The following RIPOR2 variants were observed in gnomAD, a reference collection of about 807,000 sequenced individuals.
The protein encoded by RIPOR2 is rho family-interacting cell polarization regulator 2.
A neutral mutation model predicts 114.5 loss-of-function variants in RIPOR2; 39 were observed. That is an observed-to-expected ratio of 0.34 (90% CI 0.26 to 0.44). RIPOR2 has a LOEUF of 0.44. Among genes scored for constraint, RIPOR2 ranks in the 20% least tolerant of loss-of-function variants. RIPOR2 has a pLI of 1.00. For synonymous variants in RIPOR2, 445 were observed against 484.4 expected (o/e 0.92, Z 1.07); for missense variants, 1,007 against 1,255.1 (o/e 0.80, Z 2.99).
intron 1 of RIPOR2, among the ~76,000 whole-genome samples, chr6:24,902,350 G>A (rs953906940): frequency 2.0e-5 from 3 of 151,926 alleles, no homozygotes; most frequent in Admixed American, 1.3e-4. Context: ...GAGTAGCTGG[G>A]ATTACAGGCA....
At chr6:24,982,349 A>G (rs1033145342) in intron 1 of RIPOR2, among the ~76,000 whole-genome samples, 2 of 152,234 alleles carry the variant, frequency 1.3e-5, no homozygotes, top group Non-Finnish European at 2.9e-5. Context: ...TTCAAACAAA[A>G]TGAATTATTC....
At chr6:24,986,468 A>T (rs926918451) in intron 1 of RIPOR2, among the ~76,000 whole-genome samples, 1 of 152,226 alleles carries the variant, frequency 6.6e-6, no homozygotes, top group Non-Finnish European at 1.5e-5. Flanking sequence ...TCTTGAAACA[A>T]TAATTTAGGA....
At chr6:24,823,762 T>C (rs9366584) in intron 19 of RIPOR2, among the ~76,000 whole-genome samples, 64,168 of 152,068 alleles carry the variant, frequency 0.42, 15,026 homozygotes, top group Non-Finnish European at 0.54. Flanking sequence ...TTCTTTTTTA[T>C]TTTTTTATTT....
In RIPOR2 at chr6:24,873,705, G is replaced by C; in HGVS notation, c.283C>G (p.Pro95Ala). 1 of 1,613,734 alleles carries C rather than the reference G, an allele frequency of 6.2e-7. No homozygotes were observed. Among genetic ancestry groups the C allele is most frequent in the Non-Finnish European group, 8.5e-7 (1 of 1,179,830 alleles). The change falls in exon 3 of 22, where the codon CCC becomes GCC. Residue 95 changes from proline (P) to alanine (A), a missense_variant. By Grantham distance (27) the Pro-to-Ala change is conservative. Coordinates refer to ENST00000643898, the MANE Select transcript of RIPOR2 (RefSeq NM_001286445.3). ...HNLGHKNNNPPKEPQPKRVEE... is the reference protein window; with the variant it reads ...HNLGHKNNNPAKEPQPKRVEE... ...ACCCTTTTAGGCTGAGGCTCTTTGG[G>C]GGGATTGTTGTTTTTGTGGCCTAAA...
chr6:24,831,327 G>T (rs916376344), intron 16 of RIPOR2, among the ~76,000 whole-genome samples: 1 of 152,200 alleles, frequency 6.6e-6, no homozygotes, highest in Non-Finnish European at 1.5e-5. Context: ...AATCATACAG[G>T]ATCAAGGACT....
At chr6:24,975,280 A>T (rs988025946) in intron 1 of RIPOR2, among the ~76,000 whole-genome samples, 3 of 152,362 alleles carry the variant, frequency 2.0e-5, no homozygotes, top group African/African-American at 7.2e-5. Context: ...CAGCATGTAT[A>T]ACAGAGAATG....
intron 1 of RIPOR2, among the ~76,000 whole-genome samples, chr6:24,920,901 G>T (rs1408177381): frequency 6.6e-6 from 1 of 152,102 alleles, no homozygotes. Flanking sequence ...CCAGTATTCA[G>T]CCAGTATCAG....
chr6:24,844,117 G>C (rs1434275373), intron 12 of RIPOR2, among the ~76,000 whole-genome samples: 1 of 152,028 alleles, frequency 6.6e-6, no homozygotes, highest in South Asian at 2.1e-4. Flanking sequence ...ATAATTCAAG[G>C]CCAGCCATAC....
chr6:24,880,261 C>A (rs941414906), intron 1 of RIPOR2, among the ~76,000 whole-genome samples: 3 of 152,044 alleles, frequency 2.0e-5, no homozygotes, highest in African/African-American at 7.3e-5. Flanking sequence ...ATGGTTAACA[C>A]TCAAAATTAT....
chr6:24,879,288 G>A (rs1043722738), intron 1 of RIPOR2, among the ~76,000 whole-genome samples: 10 of 152,312 alleles, frequency 6.6e-5, no homozygotes, highest in South Asian at 2.1e-4. Context: ...GGCGGCTGCC[G>A]TGAGAGGAGA....
chr6:24,835,331 T>C lies in RIPOR2; in HGVS notation c.2208+372A>G, dbSNP rs116328550. ...TCCAGGTGGTGAAAAACTAATTCATTTGACATTCATGTTAATATATATTCA... is the reference window on the plus strand; with the variant it reads ...TCCAGGTGGTGAAAAACTAATTCATCTGACATTCATGTTAATATATATTCA... On this transcript the variant is annotated intron_variant, in intron 15 of 21. Coordinates refer to ENST00000643898, the MANE Select transcript of RIPOR2 (RefSeq NM_001286445.3). 3.7e-3 allele frequency among the ~76,000 whole-genome samples: 567 copies of C among 152,328 alleles called. 2 individuals are homozygous for C. Among genetic ancestry groups the C allele is most frequent in the African/African-American group, 0.012 (506 of 41,572 alleles).
chr6:24,880,276 T>A (rs1766220658), intron 1 of RIPOR2, among the ~76,000 whole-genome samples: 1 of 152,186 alleles, frequency 6.6e-6, no homozygotes, highest in African/African-American at 2.4e-5. Context: ...AATTATGTTA[T>A]AATTTTGACA....
intron 1 of RIPOR2, among the ~76,000 whole-genome samples, chr6:24,899,927 G>A (rs1047739421): frequency 6.6e-6 from 1 of 152,144 alleles, no homozygotes; most frequent in Non-Finnish European, 1.5e-5. Context: ...TGATGATAGG[G>A]CATCTTTGCA....
At chr6:24,840,427 C>T in intron 13 of RIPOR2, 2 of 1,259,524 alleles carry the variant, frequency 1.6e-6, no homozygotes, top group Non-Finnish European at 2.0e-6. Context: ...TAATGCTGGC[C>T]ACATGCAGAA....
chr6:24,894,393 T>C (rs922365035), intron 1 of RIPOR2, among the ~76,000 whole-genome samples: 2 of 152,230 alleles, frequency 1.3e-5, no homozygotes, highest in Non-Finnish European at 2.9e-5. Context: ...AACAAGATTG[T>C]TAGCAGAACT....
chr6:25,001,778 C>A (rs1775335188), intron 1 of RIPOR2, among the ~76,000 whole-genome samples: 1 of 148,108 alleles, frequency 6.8e-6, no homozygotes, highest in Non-Finnish European at 1.5e-5. Context: ...TGGCTCACTG[C>A]AACCTCCGCC....
intron 1 of RIPOR2, among the ~76,000 whole-genome samples, chr6:24,986,090 G>A (rs1195311232): frequency 1.3e-5 from 2 of 152,296 alleles, no homozygotes; most frequent in East Asian, 3.9e-4. Context: ...GATTAATACT[G>A]TGTGTTGTGT....
chr6:24,828,488 G>A (rs1313326618), intron 17 of RIPOR2, among the ~76,000 whole-genome samples, 193 bp from the exon 18 acceptor site: 2 of 152,124 alleles, frequency 1.3e-5, no homozygotes, highest in African/African-American at 4.8e-5. Context: ...GCAGGCATGA[G>A]CCATCACACC....
rs1460171696 is a variant in RIPOR2 at position 24,913,175 on chromosome 6, G to GTGTGTGTGTA, written c.61+22662_61+22663insTACACACACA. Among the ~76,000 whole-genome samples, 14 of 151,630 alleles carry GTGTGTGTGTA rather than the reference G, an allele frequency of 9.2e-5. 1 individual carries two copies. Among genetic ancestry groups the GTGTGTGTGTA allele is most frequent in the African/African-American group, 2.7e-4 (11 of 41,292 alleles). On this transcript the variant is annotated intron_variant, in intron 1 of 21. Transcript: ENST00000643898. ...AGTGTGTGTGTGTGTGTGTGTGTGT[G>GTGTGTGTGTA]TGTATGTGCACATACAGAGCAGAGA...
Sources: allele counts gnomAD v4.1 joint callset (sites outside exome capture counted in the v4.1 genomes callset), GRCh38; gene constraint gnomAD v4.1.1; transcripts MANE v1.5; gene names NCBI Gene and HGNC (gene_info 2026-07-23, HGNC 2026-07-21).